The following LAP3 variants were observed in gnomAD, a reference collection of about 807,000 sequenced individuals.
The protein encoded by LAP3 is leucine aminopeptidase 3.
Under a neutral mutation model 58.8 loss-of-function variants are expected in LAP3, and 46 were observed. The ratio of observed to expected loss-of-function variants is 0.78; its 90% CI spans 0.62 to 1.00. LAP3 has a LOEUF of 1.00. Ranked by LOEUF, LAP3 falls within the 50% of genes least tolerant of loss-of-function variation. The pLI is 0.00. For synonymous variants in LAP3, 257 were observed against 237.7 expected, an observed-to-expected ratio of 1.08 and a Z score of -0.75; for missense variants, 615 against 659.1, an observed-to-expected ratio of 0.93 and a Z score of 0.73.
intron 10 of LAP3, among the ~76,000 whole-genome samples, chr4:17,602,134 CAT>C (rs966402352): frequency 2.0e-5 from 3 of 152,160 alleles, no homozygotes; most frequent in Non-Finnish European, 4.4e-5. Context: ...TCTGACATTC[CAT>C]ATGTGTGTCC....
At chr4:17,592,462 A>G (rs560492436) in intron 7 of LAP3, among the ~76,000 whole-genome samples, 2 of 152,276 alleles carry the variant, frequency 1.3e-5, no homozygotes, top group East Asian at 1.9e-4. Flanking sequence ...TTACCCATTC[A>G]TCTATTGGTG....
At chr4:17,592,225 T>G (rs1004086737) in intron 7 of LAP3, among the ~76,000 whole-genome samples, 1 of 152,194 alleles carries the variant, frequency 6.6e-6, no homozygotes, top group Non-Finnish European at 1.5e-5. Context: ...AGTTCCCTTC[T>G]GCCTTTTTGT....
intron 6 of LAP3, among the ~76,000 whole-genome samples, chr4:17,587,886 A>G (rs1195478718): frequency 6.6e-6 from 1 of 152,044 alleles, no homozygotes; most frequent in Non-Finnish European, 1.5e-5. Flanking sequence ...AAGCAAATAA[A>G]TAGGATATTT....
At chr4:17,583,414 G>A in intron 4 of LAP3, 69 bp from the exon 5 acceptor site, 1 of 1,555,186 alleles carries the variant, frequency 6.4e-7, no homozygotes, top group Non-Finnish European at 8.8e-7. Context: ...ATCACATCAT[G>A]CCTCTGCTGT....
chr4:17,596,120 AG>A (rs1713820503), intron 8 of LAP3, among the ~76,000 whole-genome samples: 1 of 152,158 alleles, frequency 6.6e-6, no homozygotes, highest in African/African-American at 2.4e-5. Context: ...ATTGGAATCC[AG>A]GTCTCAGACA....
rs149021026 is a variant in LAP3, at chr4:17,588,471, T to G, written c.705-348T>G. Among the ~76,000 whole-genome samples, 44 of 152,214 alleles carry G rather than the reference T, an allele frequency of 2.9e-4. No individual in the cohort carries two copies. In the East Asian group the frequency reaches 7.9e-3, roughly 27 times the overall value. On this transcript the variant is annotated intron_variant, in intron 6 of 12. Transcript: ENST00000226299. ...TCTAACTTCATCTTTAAATTAAAAT[T>G]GTAGAAATATCTGAGTAGATTGGAG...
intron 2 of LAP3, among the ~76,000 whole-genome samples, chr4:17,580,672 A>G (rs1713340972): frequency 6.6e-6 from 1 of 152,112 alleles, no homozygotes; most frequent in South Asian, 2.1e-4. Flanking sequence ...ATAGCAGCCT[A>G]AGGGTTTTGC....
In LAP3 at chr4:17,585,084, A is replaced by G. The variant is rs1407671855; in HGVS notation, c.652A>G (p.Ile218Val). 11 of 1,614,050 alleles carry G rather than the reference A, an allele frequency of 6.8e-6. No individual in the cohort carries two copies. The highest frequency in any genetic ancestry group is 9.3e-6 in the Non-Finnish European group (11 of 1,179,932). The change falls in exon 6 of 13, where the codon ATT becomes GTT. Residue 218 changes from isoleucine to valine, a missense_variant. Transcript: ENST00000226299. Reference protein sequence around the residue: ...NEMTPTRFAEIIEKNLKSASS... With the variant: ...NEMTPTRFAEVIEKNLKSASS... ...GATGACGCCAACCAGATTTGCTGAA[A>G]TTATTGAGAAGAATCTCAAAAGTGC...
rs751385767 is a variant in LAP3 at position 17,577,511 on chromosome 4, C to G, written c.46C>G (p.Arg16Gly). 11 of 1,586,934 alleles carry G rather than the reference C, an allele frequency of 6.9e-6. No homozygotes were observed. In the East Asian group the frequency reaches 2.3e-4, roughly 33 times the overall value. ...GGCTGCGGGGCGAGTAGTCGTCCGA[C>G]GTCTGGCCGTGAGACGTTTCGGGAG... ...LPAAGRVVVR[R>G]LAVRRFGSRS... Residue 16 changes from arginine (R) to glycine (G), a missense_variant, in exon 1 of 13, where the codon CGT (arginine) becomes GGT (glycine). By Grantham distance (125) the Arg-to-Gly change is moderately radical. Coordinates refer to ENST00000226299, the MANE Select transcript of LAP3 (RefSeq NM_015907.3).
In LAP3 at chr4:17,577,554, C is replaced by A. The variant is rs769427768; in HGVS notation, c.89C>A (p.Ala30Glu). 12 of 1,563,254 alleles carry A rather than the reference C, an allele frequency of 7.7e-6. No homozygotes were observed. Among genetic ancestry groups the A allele is most frequent in the African/African-American group, 4.1e-5 (3 of 73,314 alleles). Residue 30 changes from alanine to glutamate, a missense_variant, in exon 1 of 13, where the codon GCA becomes GAA. By Grantham distance (107) the Ala-to-Glu change is moderately radical. Coordinates refer to ENST00000226299, the MANE Select transcript of LAP3 (RefSeq NM_015907.3). The stretch of plus-strand genomic sequence containing the variant: ...TTCGGGAGCCGGAGTCTCTCCACCG[C>A]AGACATGACGAAGGTGAGAGGCGGC... ...RRFGSRSLST[A>E]DMTKGLVLGI...
At chr4:17,605,236 C>T (rs1714096430) in intron 11 of LAP3, among the ~76,000 whole-genome samples, 1 of 152,168 alleles carries the variant, frequency 6.6e-6, no homozygotes, top group African/African-American at 2.4e-5. Context: ...ACTCTGTGGC[C>T]TCCTGACACC....
At chr4:17,606,997 A>G (rs4698628) in intron 12 of LAP3, 59 bp downstream of exon 12, 687,628 of 1,086,792 alleles carry the variant, frequency 0.63, 222,462 homozygotes, top group East Asian at 0.9. Flanking sequence ...CAAAATAGCT[A>G]TTTTCAATTT....
In LAP3 at chr4:17,598,512, A is replaced by G. The variant is rs756620470; in HGVS notation, c.1134A>G (p.Ala378=). Residue 378 remains alanine, a synonymous_variant, in exon 10 of 13, where the codon GCA becomes GCG. Transcript: ENST00000226299. ...RLILADALCY[A]HTFNPKVILN... ...TACTGGCTGATGCGCTCTGTTACGC[A>G]CACACGTTTAACCCGAAGGTCATCC... 2.9e-5 allele frequency: 46 copies of G among 1,613,976 alleles called. No individual in the cohort carries two copies. Among genetic ancestry groups the G allele is most frequent in the Non-Finnish European group, 3.8e-5 (45 of 1,180,014 alleles).
intron 4 of LAP3, 193 bp from the exon 5 acceptor site, chr4:17,583,290 G>T: frequency 1.6e-6 from 1 of 630,962 alleles, no homozygotes; most frequent in East Asian, 2.7e-5. Flanking sequence ...ACCTGGGAGT[G>T]AGGTACTTGC....
intron 1 of LAP3, 127 bp from the exon 2 acceptor site, chr4:17,579,697 C>A: frequency 1.9e-6 from 1 of 524,242 alleles, no homozygotes; most frequent in Admixed American, 3.7e-5. Flanking sequence ...TTTTTGCTTT[C>A]TTCTGTCCAT....
chr4:17,577,200 A>ACACGAATGCGGGCGCC lies in LAP3; in HGVS notation c.-251_-250insCCACGAATGCGGGCGC. Reference sequence around the variant, plus strand: ...CGCCCCCGCCCGCATGCGCGGGCGCACACGAATGCGGGCGCACACGAATGC... The same window carrying ACACGAATGCGGGCGCC: ...CGCCCCCGCCCGCATGCGCGGGCGCACACGAATGCGGGCGCCCACGAATGCGGGCGCACACGAATGC... On this transcript the variant is annotated 5_prime_UTR_variant, in exon 1 of 13. The change creates a new upstream start codon in the 5' untranslated region. Coordinates refer to ENST00000226299, the MANE Select transcript of LAP3 (RefSeq NM_015907.3). 1 of 284,350 alleles carries ACACGAATGCGGGCGCC rather than the reference A, an allele frequency of 3.5e-6. No individual in the cohort carries two copies. The highest frequency in any genetic ancestry group is 5.9e-6 in the Non-Finnish European group (1 of 169,460). 17.6% of individuals were successfully genotyped at this position (284,350 alleles called of 1,614,324 possible).
intron 10 of LAP3, among the ~76,000 whole-genome samples, chr4:17,599,798 G>A (rs916376182): frequency 2.0e-5 from 3 of 150,754 alleles, no homozygotes; most frequent in Non-Finnish European, 4.4e-5. Context: ...CATTTAACAA[G>A]TGACACAGTG....
chr4:17,607,614 C>G lies in LAP3; in HGVS notation c.*25C>G. ...GTTCAGATACTCAAAAATGTCTTCA[C>G]TCTGTCTTAAATTGGACAGTTGAAC... is the stretch of plus-strand genomic sequence containing the variant. On this transcript the variant is annotated 3_prime_UTR_variant, in exon 13 of 13. Coordinates refer to ENST00000226299, the MANE Select transcript of LAP3 (RefSeq NM_015907.3). 6.4e-7 allele frequency: 1 copy of G among 1,564,732 alleles called. No individual in the cohort carries two copies. Among genetic ancestry groups the G allele is most frequent in the Non-Finnish European group, 8.7e-7 (1 of 1,153,136 alleles).
rs1399596329 is a variant in LAP3, at chr4:17,583,539, G to A, written c.436G>A (p.Gly146Arg). 6.2e-7 allele frequency: 1 copy of A among 1,614,066 alleles called. No individual in the cohort carries two copies. Among genetic ancestry groups the A allele is most frequent in the Non-Finnish European group, 8.5e-7 (1 of 1,180,044 alleles). ...CTCGTCTGTGGAGGTGGATCCCTGT[G>A]GAGACGCTCAGGCTGCTGCGGAGGG... ...ELSSVEVDPC[G>R]DAQAAAEGAV... Residue 146 changes from glycine to arginine, a missense_variant, in exon 5 of 13, where the codon GGA (glycine) becomes AGA (arginine). Physicochemically the swap from Gly to Arg is moderately radical, Grantham distance 125. Transcript: ENST00000226299.
Sources: gnomAD v4.1 joint callset for allele counts (sites outside exome capture counted in the v4.1 genomes callset) on GRCh38, gnomAD v4.1.1 for gene constraint, MANE v1.5 for transcripts, NCBI Gene and HGNC (gene_info 2026-07-23, HGNC 2026-07-21) for gene names.